Variants in NLRP11 observed in about 807,000 individuals in gnomAD.
NLRP11 encodes the protein NLR family pyrin domain containing 11.
In NLRP11, 53 loss-of-function variants were observed where a neutral mutation model predicts 79.3. The observed-to-expected ratio is 0.67, with a 90% CI of 0.54 to 0.84. The LOEUF is 0.84. Among genes scored for constraint, NLRP11 ranks in the 40% least tolerant of loss-of-function variants. The pLI, the probability that NLRP11 is intolerant of heterozygous loss-of-function variation, is 0.00. For missense variants in NLRP11, 1,264 were observed against 1,255.0 expected, an observed-to-expected ratio of 1.01 and a Z score of -0.11; for synonymous variants, 518 against 462.6, an observed-to-expected ratio of 1.12 and a Z score of -1.54.
intron 2 of NLRP11, among the ~76,000 whole-genome samples, chr19:55,815,969 C>T (rs1981074263): frequency 6.6e-6 from 1 of 152,094 alleles, no homozygotes; most frequent in Non-Finnish European, 1.5e-5. Context: ...ATATATAAGC[C>T]ATGGGTTGGA....
chr19:55,804,566 T>C (rs1328246658), intron 4 of NLRP11, among the ~76,000 whole-genome samples: 2 of 151,884 alleles, frequency 1.3e-5, no homozygotes, highest in Non-Finnish European at 2.9e-5. Flanking sequence ...TGAGAACTCA[T>C]GGACCTGAAG....
upstream of NLRP11, among the ~76,000 whole-genome samples, chr19:55,833,493 C>T (rs138862785): frequency 9.9e-5 from 15 of 152,000 alleles, no homozygotes; most frequent in East Asian, 1.5e-3. Context: ...TGGCCGGGGG[C>T]GGTGGCTCAT....
At chr19:55,835,605 G>A (rs1483701155), upstream of NLRP11, among the ~76,000 whole-genome samples, 1 of 150,238 alleles carries the variant, frequency 6.7e-6, no homozygotes, top group East Asian at 2.0e-4. Flanking sequence ...ACTTTGGGAG[G>A]CCGAGGCGGG....
chr19:55,786,450 G>A (rs1241916129), intron 9 of NLRP11, among the ~76,000 whole-genome samples: 2 of 152,076 alleles, frequency 1.3e-5, no homozygotes, highest in Non-Finnish European at 2.9e-5. Context: ...GCACCTGGGA[G>A]GTCAAGGCTG....
At chr19:55,834,765 C>T (rs1021958568), upstream of NLRP11, among the ~76,000 whole-genome samples, 4 of 152,066 alleles carry the variant, frequency 2.6e-5, no homozygotes, top group African/African-American at 7.2e-5. Flanking sequence ...ATTTAAATAC[C>T]GTGAGGCAAG....
chr19:55,793,080 G>T (rs1325993527), intron 6 of NLRP11, among the ~76,000 whole-genome samples: 1 of 152,026 alleles, frequency 6.6e-6, no homozygotes, highest in East Asian at 1.9e-4. Flanking sequence ...GGGTCTCACT[G>T]TGTTGCCCAG....
chr19:55,802,793 G>A (rs1251067535), intron 4 of NLRP11, among the ~76,000 whole-genome samples: 1 of 152,090 alleles, frequency 6.6e-6, no homozygotes, highest in Non-Finnish European at 1.5e-5. Context: ...AACCAAAACA[G>A]CATGGTACTG....
At chr19:55,813,213 A>G (rs1329969377) in intron 2 of NLRP11, among the ~76,000 whole-genome samples, 3 of 152,150 alleles carry the variant, frequency 2.0e-5, no homozygotes, top group Non-Finnish European at 4.4e-5. Context: ...CTGTAATCCC[A>G]GCTACTCGGG....
At chr19:55,810,330 C>T (rs1980485919) in exon 3 of NLRP11, 2 of 1,607,710 alleles carry the variant, frequency 1.2e-6, no homozygotes, top group East Asian at 2.2e-5. Context: ...TTGCATGCCT[C>T]CTGATTGCCT....
intron 1 of NLRP11, among the ~76,000 whole-genome samples, chr19:55,827,527 G>A (rs1454663522): frequency 6.7e-6 from 1 of 149,862 alleles, no homozygotes; most frequent in Non-Finnish European, 1.5e-5. Flanking sequence ...CTGACAAAGG[G>A]CTAATATCCA....
intron 1 of NLRP11, among the ~76,000 whole-genome samples, chr19:55,820,274 C>T (rs182110277): frequency 2.0e-5 from 3 of 152,220 alleles, no homozygotes; most frequent in African/African-American, 7.2e-5. Flanking sequence ...CCCAGGGAGT[C>T]GCTTTCATGT....
intron 2 of NLRP11, among the ~76,000 whole-genome samples, chr19:55,812,461 G>A (rs985800601): frequency 1.6e-4 from 24 of 152,146 alleles, no homozygotes; most frequent in Admixed American, 6.6e-4. Flanking sequence ...TATAAAATAC[G>A]TGTAATTACA....
At chr19:55,791,108 C>G (rs1990208326) in intron 7 of NLRP11, among the ~76,000 whole-genome samples, 1 of 152,178 alleles carries the variant, frequency 6.6e-6, no homozygotes, top group Non-Finnish European at 1.5e-5. Context: ...TGACATTTTT[C>G]ATGGCCTCTC....
upstream of NLRP11, among the ~76,000 whole-genome samples, chr19:55,835,338 C>T (rs569606559): frequency 6.6e-6 from 1 of 152,238 alleles, no homozygotes; most frequent in Admixed American, 6.5e-5. Flanking sequence ...GATGAAATCT[C>T]GACCTTGCGT....
chr19:55,802,698 AC>A (rs758989958), intron 4 of NLRP11, among the ~76,000 whole-genome samples: 4 of 152,178 alleles, frequency 2.6e-5, no homozygotes, highest in Non-Finnish European at 5.9e-5. Context: ...GAGCCCCAAT[AC>A]CCAAGACAAT....
At chr19:55,811,520 C>T (rs1370837272) in intron 2 of NLRP11, among the ~76,000 whole-genome samples, 4 of 152,056 alleles carry the variant, frequency 2.6e-5, no homozygotes, top group Admixed American at 1.3e-4. Context: ...GAATGTGGCA[C>T]ACTGGCTCCC....
At chr19:55,827,156 C>A (rs1413451628) in intron 1 of NLRP11, among the ~76,000 whole-genome samples, 1 of 137,148 alleles carries the variant, frequency 7.3e-6, no homozygotes, top group Non-Finnish European at 1.5e-5. Context: ...GAAAAACAAG[C>A]AATGGGGAAA....
chr19:55,789,391 C>T, exon 8 of NLRP11: 1 of 1,610,532 alleles, frequency 6.2e-7, no homozygotes, highest in Middle Eastern at 1.7e-4. Context: ...AAAGAAACAG[C>T]CAGACAGACT....
At chr19:55,790,428 C>T (rs1313697365) in intron 7 of NLRP11, among the ~76,000 whole-genome samples, 1 of 152,104 alleles carries the variant, frequency 6.6e-6, no homozygotes, top group African/African-American at 2.4e-5. Flanking sequence ...CCAGATTTGG[C>T]GCCTGGGTGA....
Sources: gnomAD v4.1 joint callset for allele counts (sites outside exome capture counted in the v4.1 genomes callset) on GRCh38, gnomAD v4.1.1 for gene constraint, MANE v1.5 for transcripts, NCBI Gene and HGNC (gene_info 2026-07-23, HGNC 2026-07-21) for gene names.